SCRN1: variants seen among roughly 807,000 people sequenced by gnomAD.
SCRN1 encodes secernin 1, also known as secernin-1.
A neutral mutation model predicts 43.3 loss-of-function variants in SCRN1; 19 were observed. That is an observed-to-expected ratio of 0.44 (90% CI 0.31 to 0.64). SCRN1 has a LOEUF of 0.64. Among genes scored for constraint, SCRN1 ranks in the 30% least tolerant of loss-of-function variants. The pLI is 0.09. For missense variants in SCRN1, 447 were observed against 524.1 expected, an observed-to-expected ratio of 0.85 and a Z score of 1.44; for synonymous variants, 183 against 188.9, an observed-to-expected ratio of 0.97 and a Z score of 0.26.
At chr7:29,978,753 C>T (rs113385949) in intron 1 of SCRN1, among the ~76,000 whole-genome samples, 8 of 152,306 alleles carry the variant, frequency 5.3e-5, no homozygotes, top group African/African-American at 1.4e-4. Flanking sequence ...TGCAATAAGG[C>T]GGAGACTCTG....
At position 29,944,073 on chromosome 7, in the gene SCRN1, A is replaced by C. The variant is rs969690651; in HGVS notation, c.448T>G (p.Cys150Gly). 6.2e-6 allele frequency: 10 copies of C among 1,614,128 alleles called. No homozygotes were observed. Among genetic ancestry groups the C allele is most frequent in the Non-Finnish European group, 8.5e-6 (10 of 1,180,042 alleles). Residue 150 changes from cysteine to glycine, a missense_variant, in exon 4 of 8, where the codon TGC becomes GGC. By Grantham distance (159) the Cys-to-Gly change is radical (BLOSUM62 -3). Coordinates refer to ENST00000242059, the MANE Select transcript of SCRN1 (RefSeq NM_014766.5). ...GGNYFEDANS[C>G]HSFQSAYLIV... ...AGATATGCACTTTGGAAGCTGTGGCAGGAGTTTGCATCTTCAAAGTAATTC... is the reference window on the plus strand; with the variant it reads ...AGATATGCACTTTGGAAGCTGTGGCCGGAGTTTGCATCTTCAAAGTAATTC...
At chr7:29,988,606 G>C (rs1170968935) in intron 1 of SCRN1, 1 of 152,412 alleles carries the variant, frequency 6.6e-6, no homozygotes. Flanking sequence ...CTCCGCAACT[G>C]ATGCATCTTC....
intron 6 of SCRN1, among the ~76,000 whole-genome samples, chr7:29,935,951 G>A (rs949986188): frequency 1.1e-4 from 17 of 152,264 alleles, no homozygotes; most frequent in South Asian, 4.2e-4. Flanking sequence ...GGCAAAGGTC[G>A]GATTCACAAT....
intron 3 of SCRN1, among the ~76,000 whole-genome samples, chr7:29,951,430 C>T (rs1394970292): frequency 2.6e-5 from 4 of 152,146 alleles, no homozygotes; most frequent in Non-Finnish European, 5.9e-5. Context: ...CCCAGCAGCC[C>T]GACCAAAACT....
rs569231284 is a variant in SCRN1 at position 29,963,840 on chromosome 7, A to C, written c.159+5069T>G. On this transcript the variant is annotated intron_variant, in intron 2 of 7. Coordinates refer to ENST00000242059, the MANE Select transcript of SCRN1 (RefSeq NM_014766.5). ...AAAAAAATAAGGACAATCTCTATAG[A>C]AAAATCTTTAGAAAATGTTAAGTGA... Among the ~76,000 whole-genome samples, 359 of 152,358 alleles carry C rather than the reference A, an allele frequency of 2.4e-3. 5 individuals carry two copies. Among genetic ancestry groups the C allele is most frequent in the African/African-American group, 8.3e-3 (347 of 41,582 alleles).
At chr7:29,985,455 T>C (rs537414827) in intron 1 of SCRN1, among the ~76,000 whole-genome samples, 33 of 151,828 alleles carry the variant, frequency 2.2e-4, no homozygotes, top group Non-Finnish European at 3.7e-4. Flanking sequence ...GACTGATAAG[T>C]GGTGTGCTCA....
chr7:29,978,625 C>G (rs1345380820), intron 1 of SCRN1, among the ~76,000 whole-genome samples: 2 of 152,146 alleles, frequency 1.3e-5, no homozygotes, highest in Non-Finnish European at 2.9e-5. Flanking sequence ...ATTAACCCCC[C>G]ATACACAACA....
intron 2 of SCRN1, among the ~76,000 whole-genome samples, chr7:29,958,968 G>A (rs1326939819): frequency 2.6e-5 from 4 of 152,212 alleles, no homozygotes; most frequent in Non-Finnish European, 5.9e-5. Context: ...TAGAAAACAT[G>A]AGCCTCGAAA....
At chr7:29,968,011 T>A (rs1413673462) in intron 2 of SCRN1, among the ~76,000 whole-genome samples, 1 of 152,240 alleles carries the variant, frequency 6.6e-6, no homozygotes, top group Admixed American at 6.5e-5. Context: ...AATTACATTT[T>A]TATTTACCTT....
chr7:29,989,916 G>A (rs1044324005), upstream of SCRN1: 10 of 1,140,838 alleles, frequency 8.8e-6, no homozygotes, highest in South Asian at 2.7e-5. Flanking sequence ...CCGCGCGTCT[G>A]GCTGCACGGG....
intron 1 of SCRN1, among the ~76,000 whole-genome samples, chr7:29,977,329 G>A (rs1788863871): frequency 6.6e-6 from 1 of 152,154 alleles, no homozygotes; most frequent in African/African-American, 2.4e-5. Context: ...AAGCAAAGGA[G>A]AAATTATTAT....
chr7:29,946,429 G>C (rs989013198), intron 3 of SCRN1, among the ~76,000 whole-genome samples: 5 of 152,236 alleles, frequency 3.3e-5, no homozygotes, highest in African/African-American at 1.2e-4. Flanking sequence ...ATTCCAGGCA[G>C]AATCCTGTTC....
At position 29,920,118 on chromosome 7, in the gene SCRN1, G is replaced by C. The variant is rs1786704216; in HGVS notation, c.*3839C>G. The C allele has an allele frequency of 6.6e-6, 1 of 152,402 alleles. No homozygotes were observed. Among genetic ancestry groups the C allele is most frequent in the Non-Finnish European group, 1.5e-5 (1 of 67,998 alleles). 9.4% of individuals were successfully genotyped at this position (152,402 alleles called of 1,614,324 possible). A position where few individuals can be genotyped will look rare whatever the true frequency, so the allele number is the denominator to read the frequency against. ...GCCACTCCACTGGATGTTAATTTCAGTTTTTTTTATTGTATGCTTGATGCA... is the reference window on the plus strand; with the variant it reads ...GCCACTCCACTGGATGTTAATTTCACTTTTTTTTATTGTATGCTTGATGCA... On this transcript the variant is annotated 3_prime_UTR_variant, in exon 8 of 8. Transcript: ENST00000242059.
chr7:29,963,408 G>T (rs1379698908), intron 2 of SCRN1, among the ~76,000 whole-genome samples: 1 of 152,154 alleles, frequency 6.6e-6, no homozygotes, highest in Non-Finnish European at 1.5e-5. Context: ...GATGAGAGGA[G>T]GGGAGAAGAA....
intron 6 of SCRN1, among the ~76,000 whole-genome samples, chr7:29,934,974 G>A (rs1160363012): frequency 6.6e-6 from 1 of 152,194 alleles, no homozygotes; most frequent in Non-Finnish European, 1.5e-5. Flanking sequence ...TCTCCACCCA[G>A]ACTGTTGTTC....
Position 29,979,394 on chromosome 7 carries a change from T to G in SCRN1, c.-2+10248A>C, listed in dbSNP as rs1583698609. On this transcript the variant is annotated intron_variant, in intron 1 of 7. Coordinates refer to ENST00000242059, the MANE Select transcript of SCRN1 (RefSeq NM_014766.5). ...AAAAAGAAAAAAAAATTCATGAACA[T>G]TTCCACATAACAGTCCTTGTAATTT... Among the ~76,000 whole-genome samples, 3 of 152,214 alleles carry G rather than the reference T, an allele frequency of 2.0e-5. No individual in the cohort carries two copies. In the South Asian group the frequency reaches 6.2e-4, roughly 32 times the overall value.
Position 29,944,121 on chromosome 7 carries a change from A to G in SCRN1, c.400T>C (p.Leu134=), listed in dbSNP as rs1369661358. 3 of 1,614,218 alleles carry G rather than the reference A, an allele frequency of 1.9e-6. 1 individual carries two copies. In the Admixed American group the frequency reaches 5.0e-5, roughly 27 times the overall value. The change falls in exon 4 of 8, where the codon TTG becomes CTG. Residue 134 remains leucine (L), a synonymous_variant. Transcript: ENST00000242059. Reference sequence around the variant, plus strand: ...TTCCCACCTTGTCCATGTTCTTCCAACAAGGAGACAATGACATCTAAGGCT... The same window carrying G: ...TTCCCACCTTGTCCATGTTCTTCCAGCAAGGAGACAATGACATCTAAGGCT... ...KEALDVIVSL[L]EEHGQGGNYF...
At chr7:29,979,344 C>T (rs1200657115) in intron 1 of SCRN1, among the ~76,000 whole-genome samples, 5 of 152,126 alleles carry the variant, frequency 3.3e-5, no homozygotes, top group African/African-American at 1.2e-4. Flanking sequence ...GCCTAGATGA[C>T]AGAGTGGGAT....
In SCRN1 at chr7:29,921,256, AT is replaced by A. The variant is rs938291323; in HGVS notation, c.*2700del. 3 of 152,652 alleles carry A rather than the reference AT, an allele frequency of 2.0e-5. No homozygotes were observed. Among genetic ancestry groups the A allele is most frequent in the African/African-American group, 4.8e-5 (2 of 41,454 alleles). The allele number at this position is 152,652 out of a possible 1,614,324, so 9.5% of individuals were successfully genotyped here. On this transcript the variant is annotated 3_prime_UTR_variant, in exon 8 of 8. Transcript: ENST00000242059. Reference sequence around the variant, plus strand: ...TTATACACTATGACCCTTAAACATAATTTTTGTATTTCATCTTGAATATTCA... The same window carrying A: ...TTATACACTATGACCCTTAAACATAATTTTGTATTTCATCTTGAATATTCA...
Sources: allele counts gnomAD v4.1 joint callset (sites outside exome capture counted in the v4.1 genomes callset), GRCh38; gene constraint gnomAD v4.1.1; transcripts MANE v1.5; gene names NCBI Gene and HGNC (gene_info 2026-07-23, HGNC 2026-07-21).